CHRM2: variants seen among roughly 807,000 people sequenced by gnomAD.
CHRM2 encodes muscarinic acetylcholine receptor M2.
CHRM2 carries 8 observed loss-of-function variants against 25.0 expected under a neutral mutation model. The observed-to-expected ratio is 0.32, with a 90% CI of 0.19 to 0.58. CHRM2 has a LOEUF of 0.58. CHRM2 is among the 20% of genes least tolerant of loss of function. The probability of loss-of-function intolerance (pLI) is 0.88; values close to 1 mark genes in which losing one functional copy is unlikely to be tolerated. For synonymous variants in CHRM2, 202 were observed against 205.7 expected (o/e 0.98, Z 0.15); for missense variants, 440 against 567.1 (o/e 0.78, Z 2.28).
At chr7:136,946,292 A>C (rs1485862436) in intron 2 of CHRM2, among the ~76,000 whole-genome samples, 3 of 152,216 alleles carry the variant, frequency 2.0e-5, no homozygotes, top group Non-Finnish European at 4.4e-5. Flanking sequence ...ATATAAGCTG[A>C]TAAAATTATA....
chr7:136,961,501 AAT>A (rs1268942781), intron 2 of CHRM2, among the ~76,000 whole-genome samples: 4 of 152,214 alleles, frequency 2.6e-5, no homozygotes, highest in African/African-American at 9.6e-5. Flanking sequence ...TCCCACTAAA[AAT>A]ATGTTTAATT....
At chr7:136,941,928 T>C (rs1799796615) in intron 2 of CHRM2, among the ~76,000 whole-genome samples, 1 of 152,158 alleles carries the variant, frequency 6.6e-6, no homozygotes, top group Non-Finnish European at 1.5e-5. Flanking sequence ...CTATATGACC[T>C]GGGGCTAGTA....
At chr7:137,006,537 T>A (rs1804438443) in intron 3 of CHRM2, among the ~76,000 whole-genome samples, 1 of 152,144 alleles carries the variant, frequency 6.6e-6, no homozygotes, top group Non-Finnish European at 1.5e-5. Flanking sequence ...AGTCCTTGCA[T>A]AATCCTGATC....
At chr7:136,956,094 A>C (rs1800708006) in intron 2 of CHRM2, among the ~76,000 whole-genome samples, 1 of 152,188 alleles carries the variant, frequency 6.6e-6, no homozygotes, top group African/African-American at 2.4e-5. Flanking sequence ...GTATATTTTT[A>C]ATAGGGGAAA....
intron 2 of CHRM2, among the ~76,000 whole-genome samples, chr7:136,891,796 T>C (rs1368083369): frequency 6.6e-6 from 1 of 152,210 alleles, no homozygotes; most frequent in Non-Finnish European, 1.5e-5. Context: ...CACTTCCCCA[T>C]GCTAAGCATA....
At chr7:136,982,392 T>A (rs762848458) in intron 2 of CHRM2, among the ~76,000 whole-genome samples, 3 of 152,184 alleles carry the variant, frequency 2.0e-5, no homozygotes, top group Non-Finnish European at 4.4e-5. Flanking sequence ...GTTGACTCTT[T>A]ATCCAATTTG....
intron 2 of CHRM2, among the ~76,000 whole-genome samples, chr7:136,876,717 A>C (rs562714667): frequency 6.6e-6 from 1 of 152,198 alleles, no homozygotes; most frequent in South Asian, 2.1e-4. Context: ...AGTCTTTTGA[A>C]GCTATCTGTA....
chr7:136,943,767 G>T (rs1208964016), intron 2 of CHRM2, among the ~76,000 whole-genome samples: 1 of 151,526 alleles, frequency 6.6e-6, no homozygotes, highest in East Asian at 1.9e-4. Context: ...AACAGAGATT[G>T]AGATGGTCCA....
Position 137,019,555 on chromosome 7 carries a change from AT to A in CHRM2, c.*3290del, listed in dbSNP as rs1360008870. The A allele has an allele frequency of 1.3e-5, 2 of 151,890 alleles. No individual in the cohort carries two copies. Among genetic ancestry groups the A allele is most frequent in the African/African-American group, 4.8e-5 (2 of 41,406 alleles). 9.4% of individuals were successfully genotyped at this position (151,890 alleles called of 1,614,324 possible). A position where few individuals can be genotyped will look rare whatever the true frequency, so the allele number is the denominator to read the frequency against. On this transcript the variant is annotated 3_prime_UTR_variant, in exon 4 of 4. Transcript: ENST00000680005. ...TTCTTTGCATTTACTGGAAAGGTGT[AT>A]CTGTAAGGTCTTTGTTTTTTCTCTC...
intron 2 of CHRM2, among the ~76,000 whole-genome samples, chr7:136,991,382 A>G (rs1803216023): frequency 6.6e-6 from 1 of 152,110 alleles, no homozygotes; most frequent in South Asian, 2.1e-4. Context: ...TAATTTGTTG[A>G]AAAGACTATC....
chr7:136,917,681 C>T (rs1321752088), intron 2 of CHRM2, among the ~76,000 whole-genome samples: 1 of 152,054 alleles, frequency 6.6e-6, no homozygotes, highest in Non-Finnish European at 1.5e-5. Context: ...GAATCAATAT[C>T]ACCATCTCCC....
intron 2 of CHRM2, among the ~76,000 whole-genome samples, chr7:136,991,071 C>A (rs1314070728): frequency 2.0e-5 from 3 of 152,096 alleles, no homozygotes; most frequent in African/African-American, 7.2e-5. Context: ...TCATTTCTCT[C>A]AGTCTGTGGC....
At chr7:136,999,812 A>G (rs1270471857) in intron 3 of CHRM2, among the ~76,000 whole-genome samples, 3 of 152,162 alleles carry the variant, frequency 2.0e-5, no homozygotes, top group Non-Finnish European at 4.4e-5. Flanking sequence ...ACCAAGGTTC[A>G]ATTTCTGGAA....
At chr7:136,947,789 T>C (rs1800155254) in intron 2 of CHRM2, among the ~76,000 whole-genome samples, 1 of 152,176 alleles carries the variant, frequency 6.6e-6, no homozygotes, top group African/African-American at 2.4e-5. Flanking sequence ...TAAGAGAGGC[T>C]GGCTTCCACA....
At chr7:136,876,731 A>T (rs1796066059) in intron 2 of CHRM2, among the ~76,000 whole-genome samples, 1 of 152,096 alleles carries the variant, frequency 6.6e-6, no homozygotes, top group Non-Finnish European at 1.5e-5. Flanking sequence ...ATCTGTATTT[A>T]TTGGGCTCAG....
intron 3 of CHRM2, among the ~76,000 whole-genome samples, chr7:137,000,547 AGAAG>A (rs780148176): frequency 0.031 from 2,936 of 95,192 alleles, 64 homozygotes; most frequent in Middle Eastern, 0.098. Context: ...AAAGAAAGAA[AGAAG>A]GAAGGAAGGA....
chr7:136,962,648 T>A (rs1172584523), intron 2 of CHRM2, among the ~76,000 whole-genome samples: 1 of 152,230 alleles, frequency 6.6e-6, no homozygotes. Flanking sequence ...TTCATTTACT[T>A]GGCATCAGTT....
At chr7:136,908,490 G>T (rs144026593) in intron 2 of CHRM2, among the ~76,000 whole-genome samples, 1 of 152,030 alleles carries the variant, frequency 6.6e-6, no homozygotes, top group East Asian at 1.9e-4. Context: ...AATATAGACT[G>T]TGGTGAAGAT....
In CHRM2 at chr7:137,017,769, A is replaced by G. The variant is rs1805258930; in HGVS notation, c.*1503A>G. On this transcript the variant is annotated 3_prime_UTR_variant, in exon 4 of 4. Transcript: ENST00000680005. ...GGAGGTAGGTGGCTGTTGCCATGCC[A>G]CATCTCACCATCTAATTCTAGACCA... 6.6e-6 allele frequency: 1 copy of G among 151,986 alleles called. No homozygotes were observed. The highest frequency in any genetic ancestry group is 2.4e-5 in the African/African-American group (1 of 41,442). The allele number at this position is 151,986 out of a possible 1,614,324, so 9.4% of individuals were successfully genotyped here. A position where few individuals can be genotyped will look rare whatever the true frequency, so the allele number is the denominator to read the frequency against.
Sources: allele counts gnomAD v4.1 joint callset (sites outside exome capture counted in the v4.1 genomes callset), GRCh38; gene constraint gnomAD v4.1.1; transcripts MANE v1.5; gene names NCBI Gene and HGNC (gene_info 2026-07-23, HGNC 2026-07-21).